The following LCP1 variants were observed in gnomAD, a reference collection of about 807,000 sequenced individuals.
LCP1 encodes plastin-2.
Under a neutral mutation model 72.0 loss-of-function variants are expected in LCP1, and 23 were observed. The ratio of observed to expected loss-of-function variants is 0.32; its 90% CI spans 0.23 to 0.45. The LOEUF is 0.45. Ranked by LOEUF, LCP1 falls within the 20% of genes least tolerant of loss-of-function variation. The probability of loss-of-function intolerance (pLI) is 1.00; values close to 1 mark genes in which losing one functional copy is unlikely to be tolerated. For synonymous variants in LCP1, 245 were observed against 275.4 expected (o/e 0.89, Z 1.09); for missense variants, 571 against 748.3 (o/e 0.76, Z 2.76).
At chr13:46,161,873 T>C (rs2045840612) in intron 1 of LCP1, among the ~76,000 whole-genome samples, 2 of 152,220 alleles carry the variant, frequency 1.3e-5, no homozygotes, top group Non-Finnish European at 2.9e-5. Flanking sequence ...GTTATACAAT[T>C]CACTATCTAT....
chr13:46,180,451 CA>C (rs897563352), intron 1 of LCP1, among the ~76,000 whole-genome samples: 2 of 152,114 alleles, frequency 1.3e-5, no homozygotes, highest in Non-Finnish European at 2.9e-5. Flanking sequence ...AATTGTTTCC[CA>C]AATTACCAAT....
chr13:46,143,996 G>A (rs374263978), intron 11 of LCP1, among the ~76,000 whole-genome samples: 10 of 152,044 alleles, frequency 6.6e-5, no homozygotes, highest in African/African-American at 2.4e-4. Flanking sequence ...AACCCGGGAG[G>A]CAGAGCTTGC....
In LCP1 at chr13:46,151,037, A is replaced by G. The variant is rs763060138; in HGVS notation, c.781T>C (p.Leu261=). ...AGCTCTTCAGGGGAGAGTTTCATCA[A>G]ATCCTCCAGGCTCTCACCTTCTCTC... is the stretch of plus-strand genomic sequence containing the variant. ...LLREGESLED[L]MKLSPEELLL... The change falls in exon 8 of 16, where the codon TTG becomes CTG. Residue 261 remains leucine (L), a synonymous_variant. Coordinates refer to ENST00000323076, the MANE Select transcript of LCP1 (RefSeq NM_002298.5). 1 of 1,613,998 alleles carries G rather than the reference A, an allele frequency of 6.2e-7. No homozygotes were observed. The highest frequency in any genetic ancestry group is 1.1e-5 in the South Asian group (1 of 91,072).
intron 1 of LCP1, among the ~76,000 whole-genome samples, chr13:46,167,527 C>CCTGAG (rs2045883243): frequency 6.6e-6 from 1 of 152,166 alleles, no homozygotes; most frequent in Admixed American, 6.5e-5. Context: ...GCATCTCTCT[C>CCTGAG]CTTCCCTGAG....
At chr13:46,127,981 T>C (rs536223354) in intron 15 of LCP1, among the ~76,000 whole-genome samples, 284 of 140,646 alleles carry the variant, frequency 2.0e-3, no homozygotes, top group African/African-American at 7.1e-3. Context: ...CCTCTTCAGC[T>C]CCTGCCTTTT....
At position 46,126,884 on chromosome 13, in the gene LCP1, G is replaced by C. The variant is rs1471673809; in HGVS notation, c.*707C>G. The C allele has an allele frequency of 1.7e-5, 4 of 230,232 alleles. No homozygotes were observed. The highest frequency in any genetic ancestry group is 8.6e-6 in the Non-Finnish European group (1 of 116,282). 14.3% of individuals were successfully genotyped at this position (230,232 alleles called of 1,614,324 possible). A position where few individuals can be genotyped will look rare whatever the true frequency, so the allele number is the denominator to read the frequency against. ...GTTAAAAGCAGAGGGGTTCTTAGTG[G>C]CTGAAAAAAAACAAAACCTGATGAC... On this transcript the variant is annotated 3_prime_UTR_variant, in exon 16 of 16. Transcript: ENST00000323076.
intron 1 of LCP1, among the ~76,000 whole-genome samples, chr13:46,180,208 C>T (rs1433941470): frequency 6.6e-6 from 1 of 152,148 alleles, no homozygotes; most frequent in African/African-American, 2.4e-5. Flanking sequence ...CCGGTTCCTT[C>T]AATTATCTAG....
chr13:46,153,003 A>G, intron 6 of LCP1, 58 bp from the exon 7 acceptor site: 1 of 1,465,030 alleles, frequency 6.8e-7, no homozygotes, highest in Non-Finnish European at 9.3e-7. Flanking sequence ...GCCAAATAAT[A>G]CCGATGGCAA....
intron 15 of LCP1, among the ~76,000 whole-genome samples, chr13:46,128,530 G>A (rs563680534): frequency 3.9e-5 from 6 of 152,158 alleles, no homozygotes; most frequent in Admixed American, 2.0e-4. Context: ...CCCGGGAGGC[G>A]GAGGCTGCAG....
intron 8 of LCP1, among the ~76,000 whole-genome samples, chr13:46,150,023 C>G (rs1675984363): frequency 6.6e-6 from 1 of 152,192 alleles, no homozygotes; most frequent in Non-Finnish European, 1.5e-5. Context: ...GGCACAGTGC[C>G]TGACACACGC....
intron 1 of LCP1, among the ~76,000 whole-genome samples, chr13:46,162,368 T>C (rs2045845148): frequency 6.6e-6 from 1 of 150,772 alleles, no homozygotes; most frequent in African/African-American, 2.4e-5. Context: ...TGGACTGTAC[T>C]GCTGCCGTAT....
intron 1 of LCP1, among the ~76,000 whole-genome samples, chr13:46,176,232 T>C (rs1381736145): frequency 6.6e-6 from 1 of 152,130 alleles, no homozygotes; most frequent in Non-Finnish European, 1.5e-5. Context: ...AAATAAAAAA[T>C]GTTTGAGATG....
chr13:46,157,596 G>C (rs2045810785), intron 4 of LCP1, among the ~76,000 whole-genome samples: 1 of 152,138 alleles, frequency 6.6e-6, no homozygotes, highest in Non-Finnish European at 1.5e-5. Flanking sequence ...AAAAGTTTGG[G>C]AAATACTGTG....
chr13:46,145,271 G>C (rs1033553277), intron 10 of LCP1, among the ~76,000 whole-genome samples: 1 of 152,110 alleles, frequency 6.6e-6, no homozygotes, highest in African/African-American at 2.4e-5. Context: ...AATCAGTACC[G>C]GGATGTGACT....
intron 1 of LCP1, among the ~76,000 whole-genome samples, chr13:46,170,664 G>A (rs1255760401): frequency 6.6e-6 from 1 of 152,208 alleles, no homozygotes; most frequent in Non-Finnish European, 1.5e-5. Flanking sequence ...TCTGAACAAT[G>A]CTATTCATCC....
chr13:46,152,896 A>C lies in LCP1; in HGVS notation c.623T>G (p.Val208Gly), dbSNP rs779297988. ...LNSASAIGCH[V>G]VNIGAEDLKE... ...CAGGTCCTCAGCCCCTATGTTGACC[A>C]CATGGCACCCGATGGCTGAGGCAGA... is the stretch of plus-strand genomic sequence containing the variant. Residue 208 changes from valine to glycine, a missense_variant, in exon 7 of 16, where the codon GTG (valine) becomes GGG (glycine). Coordinates refer to ENST00000323076, the MANE Select transcript of LCP1 (RefSeq NM_002298.5). 1 of 1,614,070 alleles carries C rather than the reference A, an allele frequency of 6.2e-7. No homozygotes were observed. Among genetic ancestry groups the C allele is most frequent in the Non-Finnish European group, 8.5e-7 (1 of 1,179,986 alleles).
chr13:46,167,066 C>A (rs901115050), intron 1 of LCP1, among the ~76,000 whole-genome samples: 1 of 152,160 alleles, frequency 6.6e-6, no homozygotes, highest in Non-Finnish European at 1.5e-5. Flanking sequence ...TTTCTCCCTG[C>A]AGATACATGG....
chr13:46,141,693 A>T (rs548070521), intron 13 of LCP1, among the ~76,000 whole-genome samples: 1 of 152,204 alleles, frequency 6.6e-6, no homozygotes, highest in Non-Finnish European at 1.5e-5. Context: ...AGCTGAAATC[A>T]CTCATCACCA....
Position 46,156,516 on chromosome 13 carries a change from G to A in LCP1, c.413C>T (p.Pro138Leu). The A allele has an allele frequency of 6.2e-7, 1 of 1,614,108 alleles. No homozygotes were observed. Among genetic ancestry groups the A allele is most frequent in the Non-Finnish European group, 8.5e-7 (1 of 1,179,986 alleles). The change falls in exon 5 of 16, where the codon CCT becomes CTT. Residue 138 changes from proline to leucine, a missense_variant. Physicochemically the swap from Pro to Leu is moderately conservative, Grantham distance 98. Transcript: ENST00000323076. ...NWINKALEND[P>L]DCRHVIPMNP... ...CATTGGGATGACATGCCGACAATCA[G>A]GATCATTTTCCAGGGCTTTGTTTAT...
Sources: allele counts gnomAD v4.1 joint callset (sites outside exome capture counted in the v4.1 genomes callset), GRCh38; gene constraint gnomAD v4.1.1; transcripts MANE v1.5; gene names NCBI Gene and HGNC (gene_info 2026-07-23, HGNC 2026-07-21).